SIPA1L2: variants seen among roughly 807,000 people sequenced by gnomAD.
The protein encoded by SIPA1L2 is signal-induced proliferation-associated 1-like protein 2.
Under a neutral mutation model 163.9 loss-of-function variants are expected in SIPA1L2, and 56 were observed. The observed-to-expected ratio is 0.34, with a 90% CI of 0.28 to 0.43. SIPA1L2 has a LOEUF of 0.43. SIPA1L2 is among the 20% of genes least tolerant of loss of function. The probability of loss-of-function intolerance (pLI) is 1.00; values close to 1 mark genes in which losing one functional copy is unlikely to be tolerated. For missense variants in SIPA1L2, 1,974 were observed against 2,193.5 expected (o/e 0.90, Z 2.00); for synonymous variants, 877 against 865.7 (o/e 1.01, Z -0.23).
intron 17 of SIPA1L2, among the ~76,000 whole-genome samples, chr1:232,426,997 C>G (rs1661943610): frequency 6.6e-6 from 1 of 152,144 alleles, no homozygotes; most frequent in South Asian, 2.1e-4. Context: ...TGTGTGTGTT[C>G]CTTCCATTCT....
At chr1:232,535,686 C>T (rs561127784) in intron 2 of SIPA1L2, among the ~76,000 whole-genome samples, 2 of 152,304 alleles carry the variant, frequency 1.3e-5, no homozygotes, top group South Asian at 2.1e-4. Flanking sequence ...CCAAATGCAA[C>T]TGAATGCCAG....
At chr1:232,601,740 C>G (rs541890784) in intron 1 of SIPA1L2, among the ~76,000 whole-genome samples, 1 of 152,250 alleles carries the variant, frequency 6.6e-6, no homozygotes, top group South Asian at 2.1e-4. Flanking sequence ...ACAGAAATGT[C>G]AAAGGTAACA....
intron 1 of SIPA1L2, among the ~76,000 whole-genome samples, chr1:232,579,726 T>G (rs1386350646): frequency 6.6e-6 from 1 of 152,242 alleles, no homozygotes; most frequent in Non-Finnish European, 1.5e-5. Flanking sequence ...ATGGGAAAAC[T>G]TCCTCTTCAC....
At chr1:232,474,410 C>G (rs1664936249) in intron 7 of SIPA1L2, among the ~76,000 whole-genome samples, 1 of 152,106 alleles carries the variant, frequency 6.6e-6, no homozygotes, top group Non-Finnish European at 1.5e-5. Flanking sequence ...ATGGCAAAAG[C>G]ATATAGATGC....
At chr1:232,622,404 T>C (rs899028937) in intron 1 of SIPA1L2, among the ~76,000 whole-genome samples, 1 of 152,238 alleles carries the variant, frequency 6.6e-6, no homozygotes, top group Non-Finnish European at 1.5e-5. Context: ...CCTGTAGAAA[T>C]GAACCCTGCT....
At chr1:232,595,561 C>T (rs184807217) in intron 1 of SIPA1L2, among the ~76,000 whole-genome samples, 1 of 152,268 alleles carries the variant, frequency 6.6e-6, no homozygotes, top group Non-Finnish European at 1.5e-5. Context: ...CCCCCCAGCA[C>T]ACTAATCTCA....
chr1:232,605,206 G>T (rs1313300733), intron 1 of SIPA1L2, among the ~76,000 whole-genome samples: 2 of 152,014 alleles, frequency 1.3e-5, no homozygotes, highest in African/African-American at 4.8e-5. Context: ...TACAGACGGG[G>T]TTTCTCCATG....
At chr1:232,552,517 T>C (rs1468692968) in intron 2 of SIPA1L2, among the ~76,000 whole-genome samples, 1 of 151,974 alleles carries the variant, frequency 6.6e-6, no homozygotes. Context: ...ACTACAGGCA[T>C]ATGCCATCAC....
chr1:232,593,556 G>A (rs1162290660), intron 1 of SIPA1L2, among the ~76,000 whole-genome samples: 1 of 152,112 alleles, frequency 6.6e-6, no homozygotes, highest in Non-Finnish European at 1.5e-5. Flanking sequence ...ACCATCTCCA[G>A]GGTGCTTTTC....
chr1:232,611,392 C>T (rs1016279339), intron 1 of SIPA1L2, among the ~76,000 whole-genome samples: 3 of 152,122 alleles, frequency 2.0e-5, no homozygotes, highest in Non-Finnish European at 4.4e-5. Flanking sequence ...GAAGTTGGAA[C>T]AGTTTGGAGG....
At position 232,461,585 on chromosome 1, in the gene SIPA1L2, A is replaced by T. The variant is rs75456876; in HGVS notation, c.2821-424T>A. ...CCATCGTTCTAGATGGATTTTTGCA[A>T]TGGAAAACCTGTAAAGACTTTGTGG... On this transcript the variant is annotated intron_variant, in intron 9 of 22. Transcript: ENST00000674635. Among the ~76,000 whole-genome samples the T allele has an allele frequency of 9.1e-3, 1,392 of 152,240 alleles. 25 individuals are homozygous for T. Among genetic ancestry groups the T allele is most frequent in the African/African-American group, 0.032 (1,344 of 41,528 alleles).
chr1:232,482,911 C>G (rs1353851268), intron 6 of SIPA1L2, among the ~76,000 whole-genome samples: 3 of 152,322 alleles, frequency 2.0e-5, no homozygotes, highest in Non-Finnish European at 4.4e-5. Context: ...TCCTTCAGAT[C>G]CTCCAAGTTT....
intron 2 of SIPA1L2, among the ~76,000 whole-genome samples, chr1:232,541,101 C>T (rs568953284): frequency 6.6e-6 from 1 of 151,966 alleles, no homozygotes. Context: ...ATGAGAGGGG[C>T]AGGGGAAGGG....
At position 232,443,627 on chromosome 1, in the gene SIPA1L2, A is replaced by G. The variant is rs772486010; in HGVS notation, c.3412T>C (p.Trp1138Arg). The G allele has an allele frequency of 1.2e-6, 2 of 1,609,132 alleles. No homozygotes were observed. The highest frequency in any genetic ancestry group is 1.7e-6 in the Non-Finnish European group (2 of 1,177,878). ...SDPGPGGSGP[W>R]RPQVGYDGCQ... ...CCGTCGTAGCCCACTTGTGGTCTCC[A>G]GGGTCCGCTCCCGCCGGGTCCAGGG... Residue 1138 changes from tryptophan (W) to arginine (R), a missense_variant, in exon 12 of 23, where the codon TGG becomes CGG. Trp to Arg is a moderately radical substitution (Grantham distance 101, BLOSUM62 -3). Transcript: ENST00000674635.
chr1:232,428,632 C>T, intron 16 of SIPA1L2, 68 bp from the exon 17 acceptor site: 2 of 1,273,504 alleles, frequency 1.6e-6, no homozygotes, highest in Non-Finnish European at 1.0e-6. Context: ...AGAATTAAAA[C>T]CTAGGAAGCA....
In SIPA1L2 at chr1:232,576,388, G is replaced by A. The variant is rs530126877; in HGVS notation, c.-318-2166C>T. 7.2e-5 allele frequency among the ~76,000 whole-genome samples: 11 copies of A among 152,326 alleles called. No homozygotes were observed. The South Asian group carries it at 2.3e-3, about 32-fold the overall frequency. On this transcript the variant is annotated intron_variant, in intron 1 of 22. Coordinates refer to ENST00000674635, the MANE Select transcript of SIPA1L2 (RefSeq NM_020808.5). Reference sequence around the variant, plus strand: ...ATCAGCGATCTTGGATGGAACTAGTGTAACTGTTCTAGGGTGGCATGAGCC... The same window carrying A: ...ATCAGCGATCTTGGATGGAACTAGTATAACTGTTCTAGGGTGGCATGAGCC...
chr1:232,501,469 G>A (rs565210513), intron 3 of SIPA1L2, among the ~76,000 whole-genome samples: 3 of 152,102 alleles, frequency 2.0e-5, no homozygotes, highest in African/African-American at 7.2e-5. Flanking sequence ...TCTTCTTCTT[G>A]GGCCAGTGAG....
At chr1:232,513,833 CA>C in intron 3 of SIPA1L2, 23 bp downstream of exon 3, 1 of 1,533,744 alleles carries the variant, frequency 6.5e-7, no homozygotes, top group Non-Finnish European at 8.7e-7. Context: ...GAGACACATG[CA>C]AACGCCCATG....
intron 2 of SIPA1L2, among the ~76,000 whole-genome samples, chr1:232,518,483 CTG>C (rs1456224426): frequency 6.6e-6 from 1 of 152,178 alleles, no homozygotes; most frequent in Non-Finnish European, 1.5e-5. Context: ...TGTGGAAACT[CTG>C]TGGTTCTTTA....
Sources: gnomAD v4.1 joint callset for allele counts (sites outside exome capture counted in the v4.1 genomes callset) on GRCh38, gnomAD v4.1.1 for gene constraint, MANE v1.5 for transcripts, NCBI Gene and HGNC (gene_info 2026-07-23, HGNC 2026-07-21) for gene names.